RBFOX1: variants seen among roughly 807,000 people sequenced by gnomAD.
The protein encoded by RBFOX1 is RNA binding protein fox-1 homolog 1.
In RBFOX1, 8 loss-of-function variants were observed where a neutral mutation model predicts 57.7. The ratio of observed to expected loss-of-function variants is 0.14; its 90% confidence interval spans 0.08 to 0.25. RBFOX1 has a LOEUF of 0.25. Ranked by LOEUF, RBFOX1 falls within the 10% of genes least tolerant of loss-of-function variation. The probability of loss-of-function intolerance (pLI) is 1.00; values close to 1 mark genes in which losing one functional copy is unlikely to be tolerated. For synonymous variants in RBFOX1, 326 were observed against 222.4 expected (o/e 1.47, Z -4.15); for missense variants, 611 against 548.5 (o/e 1.11, Z -1.14).
intron 14 of RBFOX1, among the ~76,000 whole-genome samples, chr16:7,680,901 C>T (rs902932023): frequency 2.5e-5 from 3 of 119,464 alleles, no homozygotes; most frequent in East Asian, 4.4e-4. Context: ...CACACACACA[C>T]GTACACACAC....
rs13331939 is a variant in RBFOX1, at chr16:6,931,488, A to C, written c.-15-120569A>C. Among the ~76,000 whole-genome samples, 1,488 of 152,228 alleles carry C rather than the reference A, an allele frequency of 9.8e-3. 12 individuals are homozygous for C. The highest frequency in any genetic ancestry group is 0.033 in the African/African-American group (1,390 of 41,522). ...GGGTATAATCCCAGAAGTAGAACCT[A>C]CTACATCAATGAGAACACTCATTTT... is the stretch of plus-strand genomic sequence containing the variant. On this transcript the variant is annotated intron_variant, in intron 3 of 15. Transcript: ENST00000550418.
At chr16:6,101,632 A>G (rs1384918903) in intron 1 of RBFOX1, among the ~76,000 whole-genome samples, 1 of 152,072 alleles carries the variant, frequency 6.6e-6, no homozygotes, top group Non-Finnish European at 1.5e-5. Context: ...GATTACAGGC[A>G]CTGGCCACCA....
intron 1 of RBFOX1, among the ~76,000 whole-genome samples, chr16:5,387,713 A>T (rs1436862361): frequency 1.3e-5 from 2 of 152,200 alleles, no homozygotes; most frequent in Non-Finnish European, 2.9e-5. Flanking sequence ...TGTTTCCCTG[A>T]TGATATTCAC....
At chr16:5,977,562 A>C (rs1159650897) in intron 4 of RBFOX1, among the ~76,000 whole-genome samples, 4 of 152,114 alleles carry the variant, frequency 2.6e-5, no homozygotes, top group Non-Finnish European at 5.9e-5. Flanking sequence ...CTGTAAGCTC[A>C]CCTTTGGCCC....
chr16:5,618,445 C>T (rs1033242613), intron 3 of RBFOX1, among the ~76,000 whole-genome samples: 25 of 152,260 alleles, frequency 1.6e-4, no homozygotes, highest in African/African-American at 6.0e-4. Flanking sequence ...TCACGCCATT[C>T]TCCTGCCTCA....
At chr16:5,755,614 T>A (rs939951059) in intron 3 of RBFOX1, among the ~76,000 whole-genome samples, 10 of 152,324 alleles carry the variant, frequency 6.6e-5, no homozygotes, top group Admixed American at 5.2e-4. Context: ...TTATTTTTTC[T>A]TGAGACAGTG....
At chr16:6,243,075 C>T (rs1052747285) in intron 1 of RBFOX1, among the ~76,000 whole-genome samples, 1 of 152,016 alleles carries the variant, frequency 6.6e-6, no homozygotes, top group South Asian at 2.1e-4. Context: ...AATATTCCCA[C>T]TCATGTAAGA....
At chr16:7,317,314 T>C (rs371925417) in intron 4 of RBFOX1, among the ~76,000 whole-genome samples, 1 of 152,196 alleles carries the variant, frequency 6.6e-6, no homozygotes, top group Admixed American at 6.5e-5. Context: ...TGAAGTCAGG[T>C]GGCACTGACC....
At chr16:5,335,543 C>T (rs190592329) in intron 1 of RBFOX1, among the ~76,000 whole-genome samples, 27 of 152,168 alleles carry the variant, frequency 1.8e-4, no homozygotes, top group Admixed American at 3.3e-4. Context: ...GAGTTTTTCC[C>T]GTCACTGGGG....
At chr16:6,264,510 G>T (rs528705596) in intron 1 of RBFOX1, among the ~76,000 whole-genome samples, 4 of 152,214 alleles carry the variant, frequency 2.6e-5, no homozygotes, top group African/African-American at 4.8e-5. Flanking sequence ...CAGGCCCATC[G>T]GTTCTCATTG....
chr16:7,223,796 A>T (rs1181584095), intron 4 of RBFOX1, among the ~76,000 whole-genome samples: 1 of 146,726 alleles, frequency 6.8e-6, no homozygotes, highest in African/African-American at 2.5e-5. Context: ...TGTCTGATAG[A>T]AATGGGAGCA....
chr16:6,919,087 C>T (rs1006657548), intron 3 of RBFOX1, among the ~76,000 whole-genome samples: 6 of 152,208 alleles, frequency 3.9e-5, no homozygotes, highest in African/African-American at 1.4e-4. Flanking sequence ...TTAAGCCATT[C>T]TCCTGTCTCA....
intron 1 of RBFOX1, among the ~76,000 whole-genome samples, chr16:6,195,544 C>G (rs2097174377): frequency 6.6e-6 from 1 of 151,938 alleles, no homozygotes; most frequent in African/African-American, 2.4e-5. Context: ...ATGGAGAAAC[C>G]CCATGTCTAC....
intron 1 of RBFOX1, among the ~76,000 whole-genome samples, chr16:5,429,343 A>G (rs1034398989): frequency 2.6e-5 from 4 of 152,096 alleles, no homozygotes; most frequent in African/African-American, 4.8e-5. Context: ...CACTGGGTTC[A>G]CTTTGCCCCA....
chr16:7,231,737 C>T (rs985311450), intron 4 of RBFOX1, among the ~76,000 whole-genome samples: 2 of 152,176 alleles, frequency 1.3e-5, no homozygotes, highest in African/African-American at 4.8e-5. Context: ...GAAGGAGCTA[C>T]TGTTACATGC....
intron 4 of RBFOX1, among the ~76,000 whole-genome samples, chr16:7,171,588 C>G (rs1007552583): frequency 3.3e-5 from 5 of 152,266 alleles, no homozygotes; most frequent in Middle Eastern, 3.4e-3. Context: ...AATTTTCTCT[C>G]TTTATGTTCT....
intron 4 of RBFOX1, among the ~76,000 whole-genome samples, chr16:7,267,149 T>C (rs890329708): frequency 3.3e-5 from 5 of 152,142 alleles, no homozygotes; most frequent in South Asian, 4.1e-4. Flanking sequence ...GTGTGGCTTA[T>C]GCACTTTGGG....
intron 3 of RBFOX1, among the ~76,000 whole-genome samples, chr16:6,664,388 CCTA>C (rs2098719350): frequency 6.6e-6 from 1 of 152,188 alleles, no homozygotes; most frequent in South Asian, 2.1e-4. Context: ...CACCCCTGGT[CCTA>C]CTATCTCTGG....
At chr16:6,460,667 C>T (rs1184148463) in intron 2 of RBFOX1, among the ~76,000 whole-genome samples, 1 of 152,104 alleles carries the variant, frequency 6.6e-6, no homozygotes, top group Non-Finnish European at 1.5e-5. Context: ...ATTCATTCAA[C>T]CATTGTGGAA....
Sources: gnomAD v4.1 joint callset for allele counts (sites outside exome capture counted in the v4.1 genomes callset) on GRCh38, gnomAD v4.1.1 for gene constraint, MANE v1.5 for transcripts, NCBI Gene and HGNC (gene_info 2026-07-23, HGNC 2026-07-21) for gene names.